CA10: variants seen among roughly 807,000 people sequenced by gnomAD.
CA10 encodes carbonic anhydrase 10 (inactive), also known as carbonic anhydrase-related protein 10.
In CA10, 14 loss-of-function variants were observed where a neutral mutation model predicts 44.2. That is an observed-to-expected ratio of 0.32 (90% CI 0.21 to 0.50). CA10 has a LOEUF of 0.50. Ranked by LOEUF, CA10 falls within the 20% of genes least tolerant of loss-of-function variation. The pLI is 0.99. For synonymous variants in CA10, 159 were observed against 141.6 expected (o/e 1.12, Z -0.87); for missense variants, 350 against 409.7 (o/e 0.85, Z 1.26).
At chr17:51,789,996 CCAG>C (rs1906450624) in intron 3 of CA10, among the ~76,000 whole-genome samples, 1 of 152,170 alleles carries the variant, frequency 6.6e-6, no homozygotes, top group Non-Finnish European at 1.5e-5. Flanking sequence ...ACAGGTTGTG[CCAG>C]CAGCAGCCAG....
chr17:52,135,606 T>TAG (rs1989339921), intron 1 of CA10, among the ~76,000 whole-genome samples: 1 of 152,140 alleles, frequency 6.6e-6, no homozygotes, highest in Non-Finnish European at 1.5e-5. Context: ...TCCCTTGAAG[T>TAG]GTCTGTTTCT....
chr17:51,896,039 C>A (rs1981053647), intron 3 of CA10, among the ~76,000 whole-genome samples: 1 of 151,892 alleles, frequency 6.6e-6, no homozygotes, highest in Admixed American at 6.6e-5. Flanking sequence ...AAATCAACTT[C>A]ATCAAGGTAT....
At chr17:51,763,593 C>T (rs1905274215) in intron 3 of CA10, among the ~76,000 whole-genome samples, 1 of 152,196 alleles carries the variant, frequency 6.6e-6, no homozygotes, top group African/African-American at 2.4e-5. Flanking sequence ...ATTCACCATT[C>T]TAGTCCACTG....
At chr17:51,986,173 A>T (rs1984830957) in intron 2 of CA10, among the ~76,000 whole-genome samples, 1 of 152,140 alleles carries the variant, frequency 6.6e-6, no homozygotes, top group Non-Finnish European at 1.5e-5. Flanking sequence ...AGACCAATGG[A>T]ACAGAATAGA....
At chr17:51,872,100 G>A (rs978907520) in intron 3 of CA10, among the ~76,000 whole-genome samples, 4 of 152,140 alleles carry the variant, frequency 2.6e-5, no homozygotes, top group African/African-American at 4.8e-5. Context: ...GAAACAGCAC[G>A]TTAAAGACAG....
rs549830723 is a variant in CA10 at position 52,154,567 on chromosome 17, G to C, written c.61+3159C>G. 1.1e-3 allele frequency among the ~76,000 whole-genome samples: 174 copies of C among 152,222 alleles called. 1 individual carries two copies. Among genetic ancestry groups the C allele is most frequent in the Middle Eastern group, 6.8e-3 (2 of 294 alleles). ...GATCTGAGCTGCTTTGGTAGGAAGG[G>C]AATGGTGCTCTTGCAGTACACGGAA... On this transcript the variant is annotated intron_variant, in intron 1 of 8. Coordinates refer to ENST00000451037, the MANE Select transcript of CA10 (RefSeq NM_020178.5).
intron 2 of CA10, among the ~76,000 whole-genome samples, chr17:52,057,677 A>G (rs1385096517): frequency 2.0e-5 from 3 of 152,086 alleles, no homozygotes; most frequent in African/African-American, 7.2e-5. Context: ...AACTACAGCA[A>G]TTGTTTAGAG....
intron 4 of CA10, among the ~76,000 whole-genome samples, chr17:51,732,729 G>A (rs758040185): frequency 6.6e-6 from 1 of 152,208 alleles, no homozygotes; most frequent in African/African-American, 2.4e-5. Flanking sequence ...CTTCTTTGGA[G>A]AATGTGGAAT....
intron 3 of CA10, among the ~76,000 whole-genome samples, chr17:51,825,626 A>G (rs1427231404): frequency 1.3e-5 from 2 of 152,228 alleles, no homozygotes; most frequent in Admixed American, 6.5e-5. Context: ...CAACATGTAC[A>G]TCAACTGGAC....
At chr17:51,660,869 T>C (rs1041924592) in intron 4 of CA10, among the ~76,000 whole-genome samples, 1 of 152,126 alleles carries the variant, frequency 6.6e-6, no homozygotes, top group Non-Finnish European at 1.5e-5. Context: ...GCCTCCCTTA[T>C]ATACTGGGCT....
At chr17:51,844,230 T>C (rs1005516839) in intron 3 of CA10, among the ~76,000 whole-genome samples, 1 of 152,092 alleles carries the variant, frequency 6.6e-6, no homozygotes, top group Non-Finnish European at 1.5e-5. Context: ...TGAATCCCAA[T>C]AGAATTAGGG....
chr17:51,705,947 G>A (rs1465306960), intron 4 of CA10, among the ~76,000 whole-genome samples: 3 of 152,114 alleles, frequency 2.0e-5, no homozygotes, highest in African/African-American at 4.8e-5. Context: ...AGCCCTAGAG[G>A]AAAAAGAACA....
intron 1 of CA10, among the ~76,000 whole-genome samples, chr17:52,145,036 T>C (rs1445880003): frequency 1.3e-5 from 2 of 152,204 alleles, no homozygotes; most frequent in African/African-American, 4.8e-5. Flanking sequence ...TATAATGTTT[T>C]CGATGAATGC....
chr17:51,653,263 G>A (rs1423264565), intron 5 of CA10, among the ~76,000 whole-genome samples: 3 of 152,220 alleles, frequency 2.0e-5, no homozygotes, highest in African/African-American at 4.8e-5. Context: ...ACAAGGGGCA[G>A]CTGAATGGTG....
In CA10 at chr17:51,633,528, A is replaced by G; in HGVS notation, c.912T>C (p.Ser304=). The change falls in exon 8 of 9, where the codon AGT becomes AGC. Residue 304 remains serine, a synonymous_variant. Transcript: ENST00000451037. ...NRCIRTNINF[S]LQGKDCPNNR... is the part of the protein sequence containing the mutation. ...TGTTTGGACAGTCCTTCCCCTGTAA[A>G]CTGAAGTTGATATTGGTGCGGATGC... is the stretch of plus-strand genomic sequence containing the variant. The G allele has an allele frequency of 6.2e-7, 1 of 1,613,982 alleles. No individual in the cohort carries two copies.
chr17:51,882,066 CAAAA>C (rs57495108), intron 3 of CA10, among the ~76,000 whole-genome samples: 2 of 82,118 alleles, frequency 2.4e-5, no homozygotes. Flanking sequence ...GCAGTGGCAA[CAAAA>C]AAAAAAAAAA....
chr17:52,127,275 C>T (rs991477288), intron 1 of CA10, among the ~76,000 whole-genome samples: 3 of 152,150 alleles, frequency 2.0e-5, no homozygotes, highest in South Asian at 2.1e-4. Context: ...GTGGGGACAT[C>T]GAGTTCTAGC....
intron 1 of CA10, among the ~76,000 whole-genome samples, chr17:52,108,449 A>G (rs1476548097): frequency 6.6e-6 from 1 of 151,530 alleles, no homozygotes; most frequent in Non-Finnish European, 1.5e-5. Flanking sequence ...CTGTAATCCC[A>G]GCACTTCGGA....
At chr17:51,897,974 A>G (rs952595619) in intron 3 of CA10, among the ~76,000 whole-genome samples, 1 of 152,120 alleles carries the variant, frequency 6.6e-6, no homozygotes, top group Non-Finnish European at 1.5e-5. Context: ...GGCAAAGTCT[A>G]TGGGGTTTTC....
Sources: allele counts gnomAD v4.1 joint callset (sites outside exome capture counted in the v4.1 genomes callset), GRCh38; gene constraint gnomAD v4.1.1; transcripts MANE v1.5; gene names NCBI Gene and HGNC (gene_info 2026-07-23, HGNC 2026-07-21).